The following INA variants were observed in gnomAD, a reference collection of about 807,000 sequenced individuals.
INA encodes the protein internexin neuronal intermediate filament protein alpha.
In INA, 35 loss-of-function variants were observed where a neutral mutation model predicts 40.1. The observed-to-expected ratio is 0.87, with a 90% CI of 0.67 to 1.16. INA has a LOEUF of 1.16. Among genes scored for constraint, INA ranks in the 50% most tolerant of loss-of-function variants. INA has a pLI of 0.00. For missense variants in INA, 594 were observed against 686.7 expected, an observed-to-expected ratio of 0.87 and a Z score of 1.51; for synonymous variants, 290 against 316.9, an observed-to-expected ratio of 0.92 and a Z score of 0.90.
In INA at chr10:103,277,357, CCTCCTCGGCCGCCTG is replaced by C. The variant is rs748045007; in HGVS notation, c.157_171del (p.Ala53_Ala57del). The C allele has an allele frequency of 3.2e-6, 5 of 1,573,642 alleles. No individual in the cohort carries two copies. The highest frequency in any genetic ancestry group is 1.8e-4 in the Middle Eastern group (1 of 5,582). On this transcript the variant is annotated inframe_deletion, in exon 1 of 3. Transcript: ENST00000369849. The surrounding 1 kb of genome is among the most constrained non-coding windows in gnomAD (Gnocchi z 5.6). Reference sequence around the variant, plus strand: ...CAGTCGCTGTCCCGCAGCAATGTGGCCTCCTCGGCCGCCTGCTCCTCGGCCTCGTCGCTCGGCCTC... The same window carrying C: ...CAGTCGCTGTCCCGCAGCAATGTGGCCTCCTCGGCCTCGTCGCTCGGCCTC...
At chr10:103,283,349 A>G (rs1434128193) in intron 1 of INA, among the ~76,000 whole-genome samples, 3 of 152,200 alleles carry the variant, frequency 2.0e-5, no homozygotes, top group Admixed American at 1.3e-4. Flanking sequence ...CAGTGATTCT[A>G]TGTCAGTAGC....
chr10:103,288,320 T>A, intron 2 of INA, 40 bp from the exon 3 acceptor site: 1 of 1,533,230 alleles, frequency 6.5e-7, no homozygotes, highest in Non-Finnish European at 8.8e-7. Context: ...GGGGGAAAAG[T>A]TATTGACTTC....
Position 103,277,337 on chromosome 10 carries a change from G to A in INA, c.126G>A (p.Ser42=). The change falls in exon 1 of 3, where the codon TCG becomes TCA. Residue 42 remains serine (S), a synonymous_variant. Transcript: ENST00000369849. This position sits in a 1 kb window ranked among gnomAD's most constrained non-coding sequence, Gnocchi z 5.6. The stretch of plus-strand genomic sequence containing the variant: ...GCGCGGGCGGCTTCCGCTCGCAGTC[G>A]CTGTCCCGCAGCAATGTGGCCTCCT... ...AGGAGGFRSQ[S]LSRSNVASSA... The A allele has an allele frequency of 6.3e-7, 1 of 1,582,366 alleles. No homozygotes were observed. The highest frequency in any genetic ancestry group is 8.5e-7 in the Non-Finnish European group (1 of 1,170,284).
chr10:103,282,742 T>TA (rs34821970), intron 1 of INA, among the ~76,000 whole-genome samples: 7,217 of 144,570 alleles, frequency 0.05, 236 homozygotes, highest in Non-Finnish European at 0.075. Flanking sequence ...AAATTGTTAT[T>TA]AAAAAAAAAA....
Position 103,288,991 on chromosome 10 carries a change from G to C in INA, c.*322G>C, listed in dbSNP as rs1307286468. 1 of 177,574 alleles carries C rather than the reference G, an allele frequency of 5.6e-6. No homozygotes were observed. The highest frequency in any genetic ancestry group is 2.4e-5 in the African/African-American group (1 of 42,086). The allele number at this position is 177,574 out of a possible 1,614,324, so 11.0% of individuals were successfully genotyped here. ...GCTAAATCTGCGATCATCGTCATTT[G>C]CTGTGAACTGAAATTAAAACTATTC... On this transcript the variant is annotated 3_prime_UTR_variant, in exon 3 of 3. Transcript: ENST00000369849.
intron 1 of INA, among the ~76,000 whole-genome samples, chr10:103,286,529 A>G (rs1365708179): frequency 1.3e-5 from 2 of 152,032 alleles, no homozygotes; most frequent in African/African-American, 2.4e-5. Flanking sequence ...GAAATCATCA[A>G]AATGAATGGA....
intron 1 of INA, 102 bp from the exon 2 acceptor site, chr10:103,286,933 A>C: frequency 8.1e-7 from 1 of 1,229,096 alleles, no homozygotes; most frequent in Non-Finnish European, 1.2e-6. Flanking sequence ...AGTTCATTAG[A>C]TGATTTTAAT....
chr10:103,288,890 A>C lies in INA; in HGVS notation c.*221A>C, dbSNP rs997973055. ...AGCAATCACAGATGAGTTATCTAAG[A>C]ATACAGCTTTCTGACCTTCAGCTCA... On this transcript the variant is annotated 3_prime_UTR_variant, in exon 3 of 3. Transcript: ENST00000369849. The C allele has an allele frequency of 1.6e-5, 6 of 372,810 alleles. No individual in the cohort carries two copies. The highest frequency in any genetic ancestry group is 2.9e-5 in the Non-Finnish European group (6 of 207,990). The allele number at this position is 372,810 out of a possible 1,614,324, so 23.1% of individuals were successfully genotyped here. A position where few individuals can be genotyped will look rare whatever the true frequency, so the allele number is the denominator to read the frequency against.
chr10:103,282,615 C>T (rs1000806741), intron 1 of INA, among the ~76,000 whole-genome samples: 1 of 152,040 alleles, frequency 6.6e-6, no homozygotes, highest in Non-Finnish European at 1.5e-5. Context: ...AAAGATGTCA[C>T]CGAATTATTT....
At chr10:103,283,414 T>C (rs17115581) in intron 1 of INA, among the ~76,000 whole-genome samples, 2,505 of 152,222 alleles carry the variant, frequency 0.016, 49 homozygotes, top group South Asian at 0.075. Flanking sequence ...TTGGTAAAAA[T>C]CTCTTTAAGG....
intron 1 of INA, among the ~76,000 whole-genome samples, chr10:103,283,744 G>GTTT (rs2093078112): frequency 8.7e-6 from 1 of 115,514 alleles, no homozygotes; most frequent in African/African-American, 3.3e-5. Flanking sequence ...CTGCATCACT[G>GTTT]TTTCTTTTTT....
rs1329974928 is a variant in INA, at chr10:103,280,930, G to T, written c.1065+2654G>T. On this transcript the variant is annotated intron_variant, in intron 1 of 2. Transcript: ENST00000369849. ...AAAGACATTCTTGGAGGGTACTCAGGGTCTCAGACCTCTACTGTGGTCAGT... is the reference window on the plus strand; with the variant it reads ...AAAGACATTCTTGGAGGGTACTCAGTGTCTCAGACCTCTACTGTGGTCAGT... The T allele has an allele frequency of 3.0e-6, 3 of 985,238 alleles. No homozygotes were observed. In the African/African-American group the frequency reaches 5.2e-5, roughly 17 times the overall value. 61.0% of individuals were successfully genotyped at this position (985,238 alleles called of 1,614,324 possible). A position where few individuals can be genotyped will look rare whatever the true frequency, so the allele number is the denominator to read the frequency against.
In INA at chr10:103,278,982, C is replaced by T. The variant is rs2093067280; in HGVS notation, c.1065+706C>T. ...CATTTCCTCCTTAAGAAAGCGTTCG[C>T]CGGTTGGCAAAACGTGAAAGGTCGG... On this transcript the variant is annotated intron_variant, in intron 1 of 2. Transcript: ENST00000369849. This position sits in a 1 kb window ranked among gnomAD's most constrained non-coding sequence, Gnocchi z 4.9. Among the ~76,000 whole-genome samples the T allele has an allele frequency of 6.6e-6, 1 of 151,596 alleles. No homozygotes were observed. Among genetic ancestry groups the T allele is most frequent in the South Asian group, 2.1e-4 (1 of 4,758 alleles).
In INA at chr10:103,278,252, C is replaced by T. The variant is rs891598877; in HGVS notation, c.1041C>T (p.His347=). 1 of 1,572,434 alleles carries T rather than the reference C, an allele frequency of 6.4e-7. No homozygotes were observed. Among genetic ancestry groups the T allele is most frequent in the Non-Finnish European group, 8.6e-7 (1 of 1,160,130 alleles). The change falls in exon 1 of 3, where the codon CAC becomes CAT. Residue 347 remains histidine, a synonymous_variant. Transcript: ENST00000369849. This position sits in a 1 kb window ranked among gnomAD's most constrained non-coding sequence, Gnocchi z 4.9. ...AGATCCTGGAGCTGGAGGAGCGGCA[C>T]AGTGCCGAGGTAGCTGGCTACCAGG... ...ERQILELEER[H]SAEVAGYQDS...
rs2093092140 is a variant in INA at position 103,288,513 on chromosome 10, A to G, written c.1344A>G (p.Lys448=). The change falls in exon 3 of 3, where the codon AAA becomes AAG. Residue 448 remains lysine, a synonymous_variant. Coordinates refer to ENST00000369849, the MANE Select transcript of INA (RefSeq NM_032727.4). ...CATCCACTGGGCTATCACTTAAGAA[A>G]GAGGAGGAGGAGGAGGAGGCATCTA... ...KVSSTGLSLK[K]EEEEEEASKV... The G allele has an allele frequency of 6.3e-7, 1 of 1,585,578 alleles. No homozygotes were observed. Among genetic ancestry groups the G allele is most frequent in the African/African-American group, 1.3e-5 (1 of 74,156 alleles).
intron 1 of INA, among the ~76,000 whole-genome samples, chr10:103,282,383 A>T (rs1283065364): frequency 6.6e-6 from 1 of 152,218 alleles, no homozygotes; most frequent in Non-Finnish European, 1.5e-5. Flanking sequence ...CAGCCTATTC[A>T]TTCTTAACAC....
At chr10:103,285,033 G>T (rs2133536592) in intron 1 of INA, among the ~76,000 whole-genome samples, 1 of 151,872 alleles carries the variant, frequency 6.6e-6, no homozygotes, top group Non-Finnish European at 1.5e-5. Flanking sequence ...GTCCAGGCTG[G>T]AGTGCAATGG....
chr10:103,278,242 A>T lies in INA; in HGVS notation c.1031A>T (p.Glu344Val). The change falls in exon 1 of 3, where the codon GAG becomes GTG. Residue 344 changes from glutamate (E) to valine (V), a missense_variant. Physicochemically the swap from Glu to Val is moderately radical, Grantham distance 121. Around this residue, in one of 2 missense-constraint regions of INA, gnomAD observed 379 missense variants for 496.1 expected, o/e 0.76. Coordinates refer to ENST00000369849, the MANE Select transcript of INA (RefSeq NM_032727.4). The surrounding 1 kb of genome is among the most constrained non-coding windows in gnomAD (Gnocchi z 4.9). The part of the protein sequence containing the change: ...ESLERQILEL[E>V]ERHSAEVAGY... The stretch of plus-strand genomic sequence containing the variant: ...TTGGAGAGGCAGATCCTGGAGCTGG[A>T]GGAGCGGCACAGTGCCGAGGTAGCT... The T allele has an allele frequency of 6.3e-7, 1 of 1,581,616 alleles. No individual in the cohort carries two copies. Among genetic ancestry groups the T allele is most frequent in the Non-Finnish European group, 8.6e-7 (1 of 1,165,174 alleles).
In INA at chr10:103,277,240, G is replaced by GCTC. The variant is rs754749718; in HGVS notation, c.41_43dup (p.Ser14dup). The GCTC allele has an allele frequency of 5.1e-5, 81 of 1,590,194 alleles. No homozygotes were observed. Among genetic ancestry groups the GCTC allele is most frequent in the African/African-American group, 3.4e-4 (24 of 71,568 alleles). On this transcript the variant is annotated inframe_insertion, in exon 1 of 3. Transcript: ENST00000369849. The surrounding 1 kb of genome is among the most constrained non-coding windows in gnomAD (Gnocchi z 5.6). ...AGCTTCGGCTCGGAGCACTACCTGTGCTCCTCCTCCTCCTACCGCAAGGTG... is the reference window on the plus strand; with the variant it reads ...AGCTTCGGCTCGGAGCACTACCTGTGCTCCTCCTCCTCCTCCTACCGCAAGGTG...
Sources: gnomAD v4.1 joint callset for allele counts (sites outside exome capture counted in the v4.1 genomes callset) on GRCh38, gnomAD v4.1.1 for gene constraint, gnomAD v4.1.1 regional missense constraint, Gnocchi (gnomAD v3.1) non-coding constraint, MANE v1.5 for transcripts, NCBI Gene and HGNC (gene_info 2026-07-23, HGNC 2026-07-21) for gene names.